SLC4A5: variants seen among roughly 807,000 people sequenced by gnomAD.
SLC4A5 encodes the protein solute carrier family 4 member 5.
In SLC4A5, 96 loss-of-function variants were observed where a neutral mutation model predicts 120.4. That is an observed-to-expected ratio of 0.80 (90% CI 0.68 to 0.94). The LOEUF is 0.94. Among genes scored for constraint, SLC4A5 ranks in the 40% least tolerant of loss-of-function variants. SLC4A5 has a pLI of 0.00. For synonymous variants in SLC4A5, 550 were observed against 571.1 expected (o/e 0.96, Z 0.53); for missense variants, 1,259 against 1,459.5 (o/e 0.86, Z 2.24).
intron 26 of SLC4A5, chr2:74,227,470 T>G: frequency 6.3e-7 from 1 of 1,582,712 alleles, no homozygotes; most frequent in Non-Finnish European, 8.6e-7. Context: ...TGTTTTCTTC[T>G]GCATAGCTGC....
chr2:74,233,314 A>G (rs1670156950), intron 23 of SLC4A5, 88 bp downstream of exon 23: 2 of 1,482,906 alleles, frequency 1.3e-6, no homozygotes, highest in South Asian at 1.1e-5. Flanking sequence ...GGCCCAAAGT[A>G]CTGAAAGAAG....
chr2:74,229,116 T>TG lies in SLC4A5; in HGVS notation c.2848-1239_2848-1238insC, dbSNP rs1553451209. 2.9e-5 allele frequency among the ~76,000 whole-genome samples: 4 copies of TG among 136,538 alleles called. No homozygotes were observed. The East Asian group carries it at 1.0e-3, about 35-fold the overall frequency. The allele number at this position is 136,538 out of a possible 152,430, so 89.6% of individuals were successfully genotyped here. A position where few individuals can be genotyped will look rare whatever the true frequency, so the allele number is the denominator to read the frequency against. ...TCTTAGATTTGAGCTTTTTTTTTTT[T>TG]CTTGAGACAGAGTCTCGATATGTTG... On this transcript the variant is annotated intron_variant, in intron 25 of 30. Coordinates refer to ENST00000394019, the Ensembl canonical transcript of SLC4A5.
chr2:74,233,482 C>T (rs748967071), exon 23 of SLC4A5: 3 of 1,614,174 alleles, frequency 1.9e-6, no homozygotes, highest in East Asian at 2.2e-5. Context: ...ACCAGCAGGG[C>T]GGGCAGGATG....
At chr2:74,221,851 C>T (rs1694661511) in intron 29 of SLC4A5, among the ~76,000 whole-genome samples, 1 of 152,070 alleles carries the variant, frequency 6.6e-6, no homozygotes, top group Non-Finnish European at 1.5e-5. Context: ...GTGGCAAGCC[C>T]TGTATTAGAA....
chr2:74,321,753 T>C (rs772331315), intron 5 of SLC4A5, among the ~76,000 whole-genome samples: 2 of 151,568 alleles, frequency 1.3e-5, no homozygotes, highest in Non-Finnish European at 2.9e-5. Context: ...AAACTTTATT[T>C]TGTTCAGGTA....
At chr2:74,257,334 AG>A (rs1207083636) in intron 12 of SLC4A5, among the ~76,000 whole-genome samples, 2 of 152,170 alleles carry the variant, frequency 1.3e-5, no homozygotes, top group African/African-American at 2.4e-5. Context: ...AGGAATTGAC[AG>A]GAACACCGGA....
chr2:74,320,935 T>G (rs1304130214), intron 5 of SLC4A5, among the ~76,000 whole-genome samples: 2 of 152,238 alleles, frequency 1.3e-5, no homozygotes, highest in African/African-American at 4.8e-5. Context: ...TATACTCAAC[T>G]GTGAGCAATA....
Position 74,259,582 on chromosome 2 carries a change from T to C in SLC4A5, c.867+6A>G. ...CCATTGCAGCTAAGTGCAGGGGTTT[T>C]ACTACCTGGTCTGTGTTTGGGGTGA... On this transcript the variant is annotated splice_donor_region_variant and intron_variant, in intron 12 of 30. Transcript: ENST00000394019. The C allele has an allele frequency of 6.2e-7, 1 of 1,614,214 alleles. No homozygotes were observed. The highest frequency in any genetic ancestry group is 1.1e-5 in the South Asian group (1 of 91,090).
chr2:74,314,225 G>A (rs890842768), intron 6 of SLC4A5, among the ~76,000 whole-genome samples: 1 of 152,248 alleles, frequency 6.6e-6, no homozygotes, highest in East Asian at 1.9e-4. Flanking sequence ...ACTGTGGGGA[G>A]TGGCTTGCCC....
At chr2:74,327,515 A>C (rs571905593) in intron 5 of SLC4A5, among the ~76,000 whole-genome samples, 15 of 152,316 alleles carry the variant, frequency 9.8e-5, no homozygotes. Flanking sequence ...ACACCCACGC[A>C]TGCTCCAGGA....
At chr2:74,252,924 C>CA in intron 15 of SLC4A5, 50 bp downstream of exon 15, 4 of 1,595,558 alleles carry the variant, frequency 2.5e-6, no homozygotes, top group Non-Finnish European at 2.6e-6. Context: ...ATGATACCGA[C>CA]AGAGTTGAAG....
At chr2:74,278,792 A>G (rs1671722471) in intron 8 of SLC4A5, among the ~76,000 whole-genome samples, 1 of 152,228 alleles carries the variant, frequency 6.6e-6, no homozygotes. Flanking sequence ...AGAAGGTGGA[A>G]GTCAAACAAC....
At chr2:74,239,530 G>T (rs1444939598) in exon 21 of SLC4A5, 1 of 1,613,792 alleles carries the variant, frequency 6.2e-7, no homozygotes, top group Non-Finnish European at 8.5e-7. Flanking sequence ...GGTTAAGGAG[G>T]TTGTACTTGG....
chr2:74,294,999 C>A (rs551738779), intron 7 of SLC4A5, among the ~76,000 whole-genome samples: 21 of 152,064 alleles, frequency 1.4e-4, no homozygotes, highest in Admixed American at 1.3e-3. Context: ...GCTGCATAAG[C>A]GCTAGACTGA....
chr2:74,320,239 A>T (rs957261010), intron 5 of SLC4A5, among the ~76,000 whole-genome samples: 4 of 152,240 alleles, frequency 2.6e-5, no homozygotes, highest in South Asian at 2.1e-4. Context: ...TTACCAATGA[A>T]ATAACATGAG....
chr2:74,316,076 G>A (rs1005593557), intron 5 of SLC4A5, among the ~76,000 whole-genome samples: 1 of 151,716 alleles, frequency 6.6e-6, no homozygotes, highest in East Asian at 1.9e-4. Context: ...CAGACACAGA[G>A]AGCTTAAATG....
chr2:74,273,422 T>C (rs1671538130), intron 8 of SLC4A5, among the ~76,000 whole-genome samples: 1 of 152,226 alleles, frequency 6.6e-6, no homozygotes, highest in South Asian at 2.1e-4. Flanking sequence ...TGAATTTGTT[T>C]CTTTCATGAA....
chr2:74,338,179 C>T (rs1047205968), intron 3 of SLC4A5, among the ~76,000 whole-genome samples: 2 of 152,034 alleles, frequency 1.3e-5, no homozygotes, highest in Non-Finnish European at 1.5e-5. Context: ...CAGGTTTTGA[C>T]CATAGGCATA....
At chr2:74,223,126 T>A (rs1694715302) in intron 28 of SLC4A5, among the ~76,000 whole-genome samples, 174 bp from the exon 29 acceptor site, 1 of 151,834 alleles carries the variant, frequency 6.6e-6, no homozygotes, top group African/African-American at 2.4e-5. Context: ...TGCCTCAGCC[T>A]CCCAAGTAGC....
Sources: allele counts gnomAD v4.1 joint callset (sites outside exome capture counted in the v4.1 genomes callset), GRCh38; gene constraint gnomAD v4.1.1; transcripts MANE v1.5; gene names NCBI Gene and HGNC (gene_info 2026-07-23, HGNC 2026-07-21).